PRKAR1B: variants seen among roughly 807,000 people sequenced by gnomAD.
PRKAR1B encodes the protein protein kinase cAMP-dependent type I regulatory subunit beta, also known as cAMP-dependent protein kinase type I-beta regulatory subunit.
PRKAR1B carries 22 observed loss-of-function variants against 46.5 expected under a neutral mutation model. The observed-to-expected ratio is 0.47, with a 90% confidence interval of 0.34 to 0.68. PRKAR1B has a LOEUF of 0.68. Ranked by LOEUF, PRKAR1B falls within the 30% of genes least tolerant of loss-of-function variation. The pLI, the probability that PRKAR1B is intolerant of heterozygous loss-of-function variation, is 0.01. For missense variants in PRKAR1B, 445 were observed against 535.6 expected (o/e 0.83, Z 1.67); for synonymous variants, 259 against 217.7 (o/e 1.19, Z -1.67).
chr7:583,386 C>T (rs543665506), intron 8 of PRKAR1B, among the ~76,000 whole-genome samples: 46,769 of 127,002 alleles, frequency 0.37, 10,048 homozygotes, highest in African/African-American at 0.46. Context: ...CACATGTGCA[C>T]ACTCACACCC....
chr7:603,035 AG>A (rs1253921277), intron 6 of PRKAR1B: 2 of 152,240 alleles, frequency 1.3e-5, no homozygotes, highest in Non-Finnish European at 2.9e-5. Context: ...CTCTGGGTAA[AG>A]GGTTTGTCTC....
rs115224942 is a variant in PRKAR1B at position 642,269 on chromosome 7, C to A, written c.441-34817G>T. Among the ~76,000 whole-genome samples the A allele has an allele frequency of 3.0e-3, 452 of 152,232 alleles. 2 individuals are homozygous for A. The highest frequency in any genetic ancestry group is 0.01 in the African/African-American group (422 of 41,516). On this transcript the variant is annotated intron_variant, in intron 4 of 10. Coordinates refer to ENST00000537384, the MANE Select transcript of PRKAR1B (RefSeq NM_001164760.2). Reference sequence around the variant, plus strand: ...GACGGGGGTGGAAGTGAGGATTAACCATAAACAGGCACAAGGGAACTTTCT... The same window carrying A: ...GACGGGGGTGGAAGTGAGGATTAACAATAAACAGGCACAAGGGAACTTTCT...
chr7:723,591 G>A (rs562164597), intron 1 of PRKAR1B, among the ~76,000 whole-genome samples: 6 of 152,302 alleles, frequency 3.9e-5, no homozygotes, highest in South Asian at 2.1e-4. Context: ...TAATTCAAGC[G>A]CTTATTCTTT....
intron 4 of PRKAR1B, among the ~76,000 whole-genome samples, chr7:675,385 C>T (rs1441926061): frequency 6.6e-6 from 1 of 152,266 alleles, no homozygotes; most frequent in Non-Finnish European, 1.5e-5. Context: ...CAGACCACCA[C>T]ACCGTTGCCC....
At chr7:579,452 G>A (rs557212956) in intron 8 of PRKAR1B, 75 bp from the exon 9 acceptor site, 32 of 1,576,780 alleles carry the variant, frequency 2.0e-5, no homozygotes, top group African/African-American at 2.0e-4. Flanking sequence ...AAGGGCCACC[G>A]CTCTTCCCGA....
At chr7:598,245 CCAT>C (rs1781381915) in intron 6 of PRKAR1B, among the ~76,000 whole-genome samples, 1 of 146,686 alleles carries the variant, frequency 6.8e-6, no homozygotes, top group African/African-American at 2.5e-5. Flanking sequence ...ACACTAAACA[CCAT>C]CACCCTCCCT....
chr7:644,270 G>A lies in PRKAR1B; in HGVS notation c.440+32959C>T, dbSNP rs1429127933. Among the ~76,000 whole-genome samples, 5 of 152,142 alleles carry A rather than the reference G, an allele frequency of 3.3e-5. No homozygotes were observed. The highest frequency in any genetic ancestry group is 2.1e-4 in the South Asian group (1 of 4,828). ...TGTTCAAGGCATCGTTGAAATGTCC[G>A]TGATGCTCTTAAAATCCTGCTGGAA... On this transcript the variant is annotated intron_variant, in intron 4 of 10. Transcript: ENST00000537384. The surrounding 1 kb of genome is among the most constrained non-coding windows in gnomAD (Gnocchi z 4.9).
chr7:561,130 CAA>C (rs1778764245), intron 9 of PRKAR1B, among the ~76,000 whole-genome samples: 1 of 148,598 alleles, frequency 6.7e-6, no homozygotes, highest in African/African-American at 2.5e-5. Context: ...CACAGGCACA[CAA>C]ACACACACAC....
chr7:653,530 G>T (rs1785022926), intron 4 of PRKAR1B, among the ~76,000 whole-genome samples: 1 of 152,168 alleles, frequency 6.6e-6, no homozygotes, highest in Non-Finnish European at 1.5e-5. Flanking sequence ...CACTGGACAG[G>T]GGCCTCAGGA....
At chr7:677,802 T>C (rs1778421243) in intron 3 of PRKAR1B, among the ~76,000 whole-genome samples, 1 of 152,118 alleles carries the variant, frequency 6.6e-6, no homozygotes, top group Non-Finnish European at 1.5e-5. Context: ...CATGAGGCAA[T>C]TTCATCATCA....
intron 4 of PRKAR1B, among the ~76,000 whole-genome samples, chr7:643,647 G>A (rs1296024097): frequency 6.6e-6 from 1 of 151,428 alleles, no homozygotes; most frequent in Non-Finnish European, 1.5e-5. Flanking sequence ...ACTTGAACTG[G>A]GGAGGTGGAG....
intron 4 of PRKAR1B, among the ~76,000 whole-genome samples, chr7:618,479 A>G (rs1782950992): frequency 6.6e-6 from 1 of 152,182 alleles, no homozygotes; most frequent in Non-Finnish European, 1.5e-5. Context: ...AAAACATAGA[A>G]TCTTAAGCTA....
chr7:571,247 G>C (rs1779494944), intron 9 of PRKAR1B, among the ~76,000 whole-genome samples: 1 of 152,122 alleles, frequency 6.6e-6, no homozygotes, highest in Non-Finnish European at 1.5e-5. Flanking sequence ...GGCCGGGTCT[G>C]TCCGAGACCC....
At chr7:726,050 C>T (rs896900644) in intron 1 of PRKAR1B, among the ~76,000 whole-genome samples, 14 of 151,848 alleles carry the variant, frequency 9.2e-5, no homozygotes. Flanking sequence ...CAATAAAGCT[C>T]CAGTGTCCTT....
rs201390056 is a variant in PRKAR1B at position 677,203 on chromosome 7, C to A, written c.440+26G>T. On this transcript the variant is annotated intron_variant, in intron 4 of 10. Coordinates refer to ENST00000537384, the MANE Select transcript of PRKAR1B (RefSeq NM_001164760.2). ...GAGGCCGAGGAGGGCGGCGGTGATG[C>A]CGGGGCAGGGGACGAGTCTGCCTAC... 409 of 1,611,950 alleles carry A rather than the reference C, an allele frequency of 2.5e-4. No homozygotes were observed. The African/African-American group carries it at 5.1e-3, about 20-fold the overall frequency.
Position 559,592 on chromosome 7 carries a change from C to G in PRKAR1B, c.892-8122G>C, listed in dbSNP as rs570418136. 6.6e-5 allele frequency among the ~76,000 whole-genome samples: 10 copies of G among 152,316 alleles called. No individual in the cohort carries two copies. The South Asian group carries it at 2.1e-3, about 32-fold the overall frequency. ...GCTCATAGCCCAGACCAGAGACCGT[C>G]TGGACACCCCCCGGGAGGAGACACA... On this transcript the variant is annotated intron_variant, in intron 9 of 10. Transcript: ENST00000537384.
chr7:574,133 C>G (rs1462531606), intron 9 of PRKAR1B, among the ~76,000 whole-genome samples: 4 of 152,238 alleles, frequency 2.6e-5, no homozygotes, highest in Non-Finnish European at 4.4e-5. Flanking sequence ...GATTTTCCTA[C>G]ACGGGTCCTT....
Position 581,272 on chromosome 7 carries a change from C to A in PRKAR1B, c.770-1895G>T, listed in dbSNP as rs185235415. Among the ~76,000 whole-genome samples the A allele has an allele frequency of 7.8e-3, 1,151 of 147,138 alleles. 60 individuals carry two copies. The highest frequency in any genetic ancestry group is 0.069 in the Admixed American group (996 of 14,528). Reference sequence around the variant, plus strand: ...GAGCCGAGATAGCACCACTGACCTCCAGCCTGGGCAACAGAGCAACACTCT... The same window carrying A: ...GAGCCGAGATAGCACCACTGACCTCAAGCCTGGGCAACAGAGCAACACTCT... On this transcript the variant is annotated intron_variant, in intron 8 of 10. Transcript: ENST00000537384.
rs768027099 is a variant in PRKAR1B, at chr7:550,294, AGG to A, written c.*134_*135del. On this transcript the variant is annotated 3_prime_UTR_variant, in exon 11 of 11. Transcript: ENST00000537384. ...TTATTCCAAAAAGTGAGTCCGGGGA[AGG>A]GGCAGTCCTCACGCTGCCGGGACCC... 1 of 671,710 alleles carries A rather than the reference AGG, an allele frequency of 1.5e-6. No individual in the cohort carries two copies. The highest frequency in any genetic ancestry group is 2.6e-6 in the Non-Finnish European group (1 of 388,178). The allele number at this position is 671,710 out of a possible 1,614,324, so 41.6% of individuals were successfully genotyped here.
Sources: gnomAD v4.1 joint callset for allele counts (sites outside exome capture counted in the v4.1 genomes callset) on GRCh38, gnomAD v4.1.1 for gene constraint, Gnocchi (gnomAD v3.1) non-coding constraint, MANE v1.5 for transcripts, NCBI Gene and HGNC (gene_info 2026-07-23, HGNC 2026-07-21) for gene names.